The following ARHGAP10 variants were observed in gnomAD, a reference collection of about 807,000 sequenced individuals.
The protein encoded by ARHGAP10 is rho GTPase-activating protein 10.
Under a neutral mutation model 108.6 loss-of-function variants are expected in ARHGAP10, and 87 were observed. The ratio of observed to expected loss-of-function variants is 0.80; its 90% CI spans 0.67 to 0.96. ARHGAP10 has a LOEUF of 0.96. Ranked by LOEUF, ARHGAP10 falls within the 40% of genes least tolerant of loss-of-function variation. The pLI is 0.00. For synonymous variants in ARHGAP10, 347 were observed against 341.1 expected (o/e 1.02, Z -0.19); for missense variants, 939 against 954.5 (o/e 0.98, Z 0.21).
At chr4:147,880,173 AC>A (rs1301263454) in intron 9 of ARHGAP10, among the ~76,000 whole-genome samples, 1 of 152,236 alleles carries the variant, frequency 6.6e-6, no homozygotes, top group Non-Finnish European at 1.5e-5. Context: ...TGGCCTAGAG[AC>A]AAAGCTTCCC....
At chr4:147,850,744 CAACAG>C (rs1733847567) in intron 4 of ARHGAP10, among the ~76,000 whole-genome samples, 1 of 152,224 alleles carries the variant, frequency 6.6e-6, no homozygotes, top group African/African-American at 2.4e-5. Context: ...ATTCTGGACA[CAACAG>C]GACACAGGTT....
At chr4:147,954,150 C>T (rs919003572) in intron 15 of ARHGAP10, among the ~76,000 whole-genome samples, 10 of 151,844 alleles carry the variant, frequency 6.6e-5, no homozygotes, top group Non-Finnish European at 1.2e-4. Flanking sequence ...GGCCTGTATG[C>T]ACTGGGAATG....
At chr4:147,878,157 G>A (rs951602605) in intron 8 of ARHGAP10, among the ~76,000 whole-genome samples, 35 of 150,338 alleles carry the variant, frequency 2.3e-4, no homozygotes, top group Middle Eastern at 3.4e-3. Flanking sequence ...GTGCAGTGGC[G>A]CGATCTCAGC....
At chr4:147,789,951 G>GGT (rs1246767431) in intron 1 of ARHGAP10, among the ~76,000 whole-genome samples, 1 of 151,020 alleles carries the variant, frequency 6.6e-6, no homozygotes, top group Non-Finnish European at 1.5e-5. Flanking sequence ...CAATTAAGAA[G>GGT]GTGTGTTCGT....
chr4:147,793,414 A>G (rs1731199858), intron 1 of ARHGAP10, among the ~76,000 whole-genome samples: 1 of 151,998 alleles, frequency 6.6e-6, no homozygotes, highest in Admixed American at 6.5e-5. Flanking sequence ...TTTCAGAGCA[A>G]TATCTTAGGA....
At chr4:147,956,695 T>A (rs1338709401) in intron 16 of ARHGAP10, among the ~76,000 whole-genome samples, 2 of 151,776 alleles carry the variant, frequency 1.3e-5, no homozygotes, top group Non-Finnish European at 2.9e-5. Context: ...TAATCTAGAA[T>A]CCTTTGAGAA....
At chr4:147,788,536 A>T (rs558539297) in intron 1 of ARHGAP10, among the ~76,000 whole-genome samples, 1 of 152,274 alleles carries the variant, frequency 6.6e-6, no homozygotes, top group East Asian at 1.9e-4. Context: ...CCTTGGTGAG[A>T]TTAGGGGTGA....
At chr4:147,953,962 T>G (rs559964395) in intron 15 of ARHGAP10, among the ~76,000 whole-genome samples, 1 of 152,150 alleles carries the variant, frequency 6.6e-6, no homozygotes, top group East Asian at 1.9e-4. Flanking sequence ...GTGTTTTTAT[T>G]TCGTTCTTTT....
chr4:147,870,765 G>A (rs1354132372), intron 7 of ARHGAP10, among the ~76,000 whole-genome samples: 6 of 152,160 alleles, frequency 3.9e-5, no homozygotes, highest in African/African-American at 1.4e-4. Flanking sequence ...GGGAAGAAGA[G>A]ACTAGAATAG....
At chr4:148,009,436 T>G (rs1238541520) in intron 18 of ARHGAP10, among the ~76,000 whole-genome samples, 1 of 152,166 alleles carries the variant, frequency 6.6e-6, no homozygotes, top group Non-Finnish European at 1.5e-5. Flanking sequence ...CTGGCCGAGA[T>G]CCTCAATAAT....
chr4:148,064,652 T>C, intron 22 of ARHGAP10, 145 bp downstream of exon 22: 1 of 701,398 alleles, frequency 1.4e-6, no homozygotes, highest in East Asian at 2.8e-5. Flanking sequence ...GCGGCTGCGT[T>C]AGGCTCCCAG....
chr4:147,946,780 C>A, intron 15 of ARHGAP10, 76 bp downstream of exon 15: 3 of 1,105,848 alleles, frequency 2.7e-6, no homozygotes, highest in Middle Eastern at 2.1e-4. Flanking sequence ...CAATTGTGTA[C>A]ATAAATATCA....
chr4:148,058,151 A>C lies in ARHGAP10; in HGVS notation c.2028-4997A>C, dbSNP rs150005378. Among the ~76,000 whole-genome samples, 484 of 152,346 alleles carry C rather than the reference A, an allele frequency of 3.2e-3. 4 individuals carry two copies. Among genetic ancestry groups the C allele is most frequent in the Middle Eastern group, 0.014 (4 of 294 alleles). ...ACAATATTTCCTTCTGTCTTTATTA[A>C]CATTTTCAAACACTCTTGCCCAGGA... On this transcript the variant is annotated intron_variant, in intron 20 of 22. Coordinates refer to ENST00000336498, the MANE Select transcript of ARHGAP10 (RefSeq NM_024605.4).
intron 13 of ARHGAP10, among the ~76,000 whole-genome samples, chr4:147,929,365 G>T (rs1394172538): frequency 6.6e-6 from 1 of 152,060 alleles, no homozygotes; most frequent in Non-Finnish European, 1.5e-5. Context: ...TCATTCTTCT[G>T]TCTGCTTATA....
intron 20 of ARHGAP10, among the ~76,000 whole-genome samples, chr4:148,058,802 C>G (rs759528703): frequency 1.3e-5 from 2 of 152,228 alleles, no homozygotes; most frequent in Non-Finnish European, 2.9e-5. Context: ...GGTTTGGCCC[C>G]ACTGCTGCAC....
At chr4:148,005,958 A>G (rs189991860) in intron 18 of ARHGAP10, among the ~76,000 whole-genome samples, 128 of 152,368 alleles carry the variant, frequency 8.4e-4, no homozygotes, top group African/African-American at 2.8e-3. Context: ...GTGCAGATTA[A>G]AAGTAGCCAC....
At chr4:147,958,557 C>G (rs1310600642) in intron 16 of ARHGAP10, among the ~76,000 whole-genome samples, 1 of 152,120 alleles carries the variant, frequency 6.6e-6, no homozygotes, top group Non-Finnish European at 1.5e-5. Flanking sequence ...GTGATTCTTG[C>G]TGGGGAAGGG....
intron 1 of ARHGAP10, among the ~76,000 whole-genome samples, chr4:147,751,871 C>A (rs1231104590): frequency 6.7e-6 from 1 of 148,912 alleles, no homozygotes; most frequent in East Asian, 2.0e-4. Flanking sequence ...TATACACTTT[C>A]TGAAGCCTTT....
At chr4:147,771,914 C>T (rs1324843388) in intron 1 of ARHGAP10, among the ~76,000 whole-genome samples, 3 of 152,184 alleles carry the variant, frequency 2.0e-5, no homozygotes, top group Non-Finnish European at 2.9e-5. Flanking sequence ...GCCTCAGCCT[C>T]CTGAATAGCT....
Sources: gnomAD v4.1 joint callset for allele counts (sites outside exome capture counted in the v4.1 genomes callset) on GRCh38, gnomAD v4.1.1 for gene constraint, MANE v1.5 for transcripts, NCBI Gene and HGNC (gene_info 2026-07-23, HGNC 2026-07-21) for gene names.